Variants in SLC25A30 observed in about 807,000 individuals in gnomAD.
The protein encoded by SLC25A30 is kidney mitochondrial carrier protein 1.
A neutral mutation model predicts 42.7 loss-of-function variants in SLC25A30; 29 were observed. The observed-to-expected ratio is 0.68, with a 90% CI of 0.51 to 0.93. The LOEUF (loss-of-function observed/expected upper bound fraction) is 0.93, where lower values mean the gene tolerates loss of function less well. SLC25A30 is among the 40% of genes least tolerant of loss of function. SLC25A30 has a pLI of 0.00. For missense variants in SLC25A30, 300 were observed against 359.7 expected (o/e 0.83, Z 1.34); for synonymous variants, 124 against 131.0 (o/e 0.95, Z 0.37).
chr13:45,415,257 C>T (rs1883417364), intron 1 of SLC25A30, among the ~76,000 whole-genome samples: 1 of 152,102 alleles, frequency 6.6e-6, no homozygotes, highest in African/African-American at 2.4e-5. Flanking sequence ...AAGTAACTTT[C>T]CCTGGTCAAA....
chr13:45,425,617 AATATATATATAAGTATATATAAAT>A, the SLC25A30 span, among the ~76,000 whole-genome samples: 3 of 48,488 alleles, frequency 6.2e-5, 1 homozygote, highest in Admixed American at 4.9e-4. Flanking sequence ...TACATATATA[AATATATATATAAGTATATATAAAT>A]ATATATATAA....
At position 45,396,244 on chromosome 13, in the gene SLC25A30, C is replaced by G. The variant is rs550928631; in HGVS notation, c.835-229G>C. ...GATATGTAAATCCCCTGGTATCAGC[C>G]TCTTCTGAGATGGCATCTACGCTGA... On this transcript the variant is annotated intron_variant, in intron 9 of 9. Coordinates refer to ENST00000519676, the MANE Select transcript of SLC25A30 (RefSeq NM_001010875.4). The G allele has an allele frequency of 1.0e-5, 14 of 1,405,360 alleles. No homozygotes were observed. The South Asian group carries it at 2.2e-4, about 22-fold the overall frequency. 87.1% of individuals were successfully genotyped at this position (1,405,360 alleles called of 1,614,324 possible). A position where few individuals can be genotyped will look rare whatever the true frequency, so the allele number is the denominator to read the frequency against.
chr13:45,427,904 G>A, the SLC25A30 span, among the ~76,000 whole-genome samples: 6 of 151,488 alleles, frequency 4.0e-5, no homozygotes, highest in Non-Finnish European at 7.4e-5. Context: ...TCACCACTCC[G>A]GATAATTTTG....
chr13:45,423,015 G>C (rs1391869401), upstream of SLC25A30, among the ~76,000 whole-genome samples: 1 of 152,212 alleles, frequency 6.6e-6, no homozygotes, highest in East Asian at 1.9e-4. Flanking sequence ...CACTTCAAAA[G>C]AATGAGCAGT....
upstream of SLC25A30, chr13:45,418,742 A>T (rs1329482069): frequency 1.3e-5 from 2 of 151,916 alleles, no homozygotes; most frequent in Non-Finnish European, 2.9e-5. Context: ...GATGGAAGTA[A>T]ACTTGCCCTT....
the SLC25A30 span, among the ~76,000 whole-genome samples, chr13:45,424,586 T>TAAATATATATAAATATATAG: frequency 3.8e-5 from 1 of 26,296 alleles, no homozygotes; most frequent in African/African-American, 1.3e-4. Flanking sequence ...TAAATATATA[T>TAAATATATATAAATATATAG]AAATATATAT....
chr13:45,399,078 G>GC lies in SLC25A30; in HGVS notation c.615-1dup (p.Ser206LeufsTer17), dbSNP rs764730461. On this transcript the variant is annotated frameshift_variant and splice_region_variant. Transcript: ENST00000519676. LOFTEE classifies it high-confidence loss of function. ...CTGCCAGACCACAGGTGAAGCTTGAGCTATAAAGACACCATTGGAAAAAAA... is the reference window on the plus strand; with the variant it reads ...CTGCCAGACCACAGGTGAAGCTTGAGCCTATAAAGACACCATTGGAAAAAAA... 1.3e-6 allele frequency: 2 copies of GC among 1,586,238 alleles called. No individual in the cohort carries two copies. The highest frequency in any genetic ancestry group is 1.7e-6 in the Non-Finnish European group (2 of 1,170,956).
At chr13:45,426,067 T>C in the SLC25A30 span, among the ~76,000 whole-genome samples, 2 of 148,366 alleles carry the variant, frequency 1.3e-5, no homozygotes, top group Non-Finnish European at 3.0e-5. Context: ...TAAATATATA[T>C]ATACATTTAA....
chr13:45,423,696 A>AAATATATATAAAAATATATATATT, the SLC25A30 span, among the ~76,000 whole-genome samples: 3 of 1,656 alleles, frequency 1.8e-3, no homozygotes, highest in East Asian at 0.015. Context: ...ATATATATAA[A>AAATATATATAAAAATATATATATT]TATATAAATA....
At chr13:45,398,034 G>A (rs1881539924) in intron 8 of SLC25A30, 6 of 985,348 alleles carry the variant, frequency 6.1e-6, no homozygotes, top group Admixed American at 6.1e-5. Flanking sequence ...GGATGAATAC[G>A]ATAAGTGTCT....
chr13:45,394,492 T>G lies in SLC25A30; in HGVS notation c.*1482A>C. ...AAGGAGAATGCCCTGGAGCCCCAGC[T>G]AACATGTATTTAATGTTGTTCTCAA... On this transcript the variant is annotated 3_prime_UTR_variant, in exon 10 of 10. Coordinates refer to ENST00000519676, the MANE Select transcript of SLC25A30 (RefSeq NM_001010875.4). 1.0e-6 allele frequency: 1 copy of G among 985,422 alleles called. No individual in the cohort carries two copies. Among genetic ancestry groups the G allele is most frequent in the Non-Finnish European group, 1.2e-6 (1 of 829,962 alleles). 61.0% of individuals were successfully genotyped at this position (985,422 alleles called of 1,614,324 possible).
chr13:45,431,717 T>A, the SLC25A30 span, among the ~76,000 whole-genome samples: 2 of 152,230 alleles, frequency 1.3e-5, no homozygotes, highest in East Asian at 3.9e-4. Context: ...AGCCCTGCTC[T>A]GTTTGCTACT....
At chr13:45,411,226 C>T in intron 2 of SLC25A30, 136 bp downstream of exon 2, 1 of 733,668 alleles carries the variant, frequency 1.4e-6, no homozygotes, top group Admixed American at 2.1e-5. Flanking sequence ...AGGCGTGAGC[C>T]ACCACACCCA....
rs1490600391 is a variant in SLC25A30 at position 45,393,410 on chromosome 13, T to C, written c.*2564A>G. 4 of 983,260 alleles carry C rather than the reference T, an allele frequency of 4.1e-6. No homozygotes were observed. The highest frequency in any genetic ancestry group is 6.2e-5 in the Admixed American group (1 of 16,258). 60.9% of individuals were successfully genotyped at this position (983,260 alleles called of 1,614,324 possible). ...ATGTTTAAATAAAGAGCTTGAAATA[T>C]AAAGGCTTATGAAAACTTCATACTC... On this transcript the variant is annotated 3_prime_UTR_variant, in exon 10 of 10. Coordinates refer to ENST00000519676, the MANE Select transcript of SLC25A30 (RefSeq NM_001010875.4).
At position 45,393,574 on chromosome 13, in the gene SLC25A30, T is replaced by C; in HGVS notation, c.*2400A>G. On this transcript the variant is annotated 3_prime_UTR_variant, in exon 10 of 10. Transcript: ENST00000519676. ...CACAAACAAAAAAACCCATTGGTTA[T>C]AAAAACTAGAATTCCTTTTGGCATA... The C allele has an allele frequency of 1.0e-6, 1 of 985,428 alleles. No individual in the cohort carries two copies. Among genetic ancestry groups the C allele is most frequent in the African/African-American group, 1.7e-5 (1 of 57,370 alleles). The allele number at this position is 985,428 out of a possible 1,614,324, so 61.0% of individuals were successfully genotyped here. A position where few individuals can be genotyped will look rare whatever the true frequency, so the allele number is the denominator to read the frequency against.
the SLC25A30 span, among the ~76,000 whole-genome samples, chr13:45,430,625 G>C: frequency 6.6e-6 from 1 of 151,998 alleles, no homozygotes; most frequent in Non-Finnish European, 1.5e-5. Flanking sequence ...GGGCAACATG[G>C]TGGAACTCCA....
At chr13:45,424,160 G>GTATATAAATATATAT in the SLC25A30 span, among the ~76,000 whole-genome samples, 58 of 78,812 alleles carry the variant, frequency 7.4e-4, 1 homozygote, top group African/African-American at 3.0e-3. Flanking sequence ...TATATATATA[G>GTATATAAATATATAT]AAATATATCA....
chr13:45,405,939 G>A lies in SLC25A30; in HGVS notation c.251C>T (p.Thr84Ile). ...PAMLRQASYG[T>I]IKIGTYQSLK... Reference sequence around the variant, plus strand: ...GCTCTGGTAAGTGCCTATCTTGATGGTGCCATAGGATGCCTGGCGTAACAT... The same window carrying A: ...GCTCTGGTAAGTGCCTATCTTGATGATGCCATAGGATGCCTGGCGTAACAT... The change falls in exon 4 of 10, where the codon ACC (threonine) becomes ATC (isoleucine). Residue 84 changes from threonine to isoleucine, a missense_variant. Coordinates refer to ENST00000519676, the MANE Select transcript of SLC25A30 (RefSeq NM_001010875.4). 1 of 1,614,182 alleles carries A rather than the reference G, an allele frequency of 6.2e-7. No homozygotes were observed. Among genetic ancestry groups the A allele is most frequent in the Non-Finnish European group, 8.5e-7 (1 of 1,180,032 alleles).
At chr13:45,419,765 A>T (rs192596933), upstream of SLC25A30, among the ~76,000 whole-genome samples, 4 of 151,848 alleles carry the variant, frequency 2.6e-5, no homozygotes, top group East Asian at 4.0e-4. Context: ...ACCCATCTCT[A>T]CTAAAAGTAC....
Sources: allele counts gnomAD v4.1 joint callset (sites outside exome capture counted in the v4.1 genomes callset), GRCh38; gene constraint gnomAD v4.1.1; transcripts MANE v1.5; gene names NCBI Gene and HGNC (gene_info 2026-07-23, HGNC 2026-07-21).